TRIQK: variants seen among roughly 807,000 people sequenced by gnomAD.
The protein encoded by TRIQK is triple QxxK/R motif containing.
In TRIQK, 10 loss-of-function variants were observed where a neutral mutation model predicts 10.8. The ratio of observed to expected loss-of-function variants is 0.92; its 90% confidence interval spans 0.57 to 1.57. The LOEUF (loss-of-function observed/expected upper bound fraction) is 1.57. TRIQK is among the 40% of genes most tolerant of loss of function. TRIQK has a pLI of 0.00. For missense variants in TRIQK, 107 were observed against 97.7 expected (o/e 1.09, Z -0.40); for synonymous variants, 33 against 33.7 (o/e 0.98, Z 0.07).
chr8:92,950,508 T>C (rs1811839127), intron 2 of TRIQK, among the ~76,000 whole-genome samples: 1 of 152,138 alleles, frequency 6.6e-6, no homozygotes, highest in Non-Finnish European at 1.5e-5. Flanking sequence ...AATTCTTTAT[T>C]CTGTATTCTC....
chr8:92,926,911 T>C (rs1458642101), intron 2 of TRIQK, among the ~76,000 whole-genome samples: 1 of 152,046 alleles, frequency 6.6e-6, no homozygotes, highest in Non-Finnish European at 1.5e-5. Flanking sequence ...ATTAACTGGG[T>C]GCAGTCACTT....
intron 1 of TRIQK, among the ~76,000 whole-genome samples, chr8:92,978,627 C>A (rs1812955679): frequency 6.6e-6 from 1 of 152,122 alleles, no homozygotes; most frequent in Admixed American, 6.6e-5. Context: ...AAGTTTTGAA[C>A]TGCAAACATT....
intron 1 of TRIQK, among the ~76,000 whole-genome samples, chr8:92,956,006 C>G (rs1206052081): frequency 6.6e-6 from 1 of 151,720 alleles, no homozygotes; most frequent in Admixed American, 6.6e-5. Context: ...AGTTTGGCAG[C>G]TCCTCAAAAA....
chr8:92,951,349 G>C (rs1811892655), intron 2 of TRIQK, among the ~76,000 whole-genome samples: 1 of 151,968 alleles, frequency 6.6e-6, no homozygotes, highest in Non-Finnish European at 1.5e-5. Context: ...TGAAAAATCA[G>C]CGCTCTTTTT....
chr8:92,992,507 T>A (rs1813105673), intron 1 of TRIQK, among the ~76,000 whole-genome samples: 1 of 152,142 alleles, frequency 6.6e-6, no homozygotes, highest in East Asian at 1.9e-4. Flanking sequence ...CTGCACTGAT[T>A]CAAGTAGGGG....
intron 1 of TRIQK, among the ~76,000 whole-genome samples, chr8:93,014,700 C>G (rs1813367457): frequency 6.6e-6 from 1 of 151,934 alleles, no homozygotes; most frequent in Non-Finnish European, 1.5e-5. Flanking sequence ...CATTATAATA[C>G]AGAGTAGTGT....
intron 1 of TRIQK, among the ~76,000 whole-genome samples, chr8:92,999,766 G>A (rs542081525): frequency 6.6e-6 from 1 of 152,174 alleles, no homozygotes. Context: ...GTTTTTCAGA[G>A]ACTTTGTTTG....
chr8:92,998,299 A>G (rs1813173629), intron 1 of TRIQK, among the ~76,000 whole-genome samples: 1 of 151,986 alleles, frequency 6.6e-6, no homozygotes, highest in Non-Finnish European at 1.5e-5. Flanking sequence ...AATTCTTTCC[A>G]TTAATTTTCA....
intron 1 of TRIQK, among the ~76,000 whole-genome samples, chr8:92,989,458 G>A (rs986389229): frequency 3.9e-5 from 6 of 152,074 alleles, no homozygotes; most frequent in Admixed American, 6.5e-5. Context: ...CCTCCTGTCA[G>A]ATCAGTTGCA....
chr8:92,988,999 A>T (rs1813066422), intron 1 of TRIQK, among the ~76,000 whole-genome samples: 1 of 152,216 alleles, frequency 6.6e-6, no homozygotes, highest in African/African-American at 2.4e-5. Context: ...AATAACAAGA[A>T]AAGATAAGAA....
chr8:92,964,468 A>C (rs1043533345), intron 1 of TRIQK, among the ~76,000 whole-genome samples: 77 of 147,900 alleles, frequency 5.2e-4, no homozygotes, highest in African/African-American at 1.6e-3. Context: ...ATATATCTAT[A>C]TATATATATA....
intron 2 of TRIQK, among the ~76,000 whole-genome samples, chr8:92,931,261 A>T (rs999041067): frequency 2.5e-4 from 38 of 152,172 alleles, no homozygotes; most frequent in African/African-American, 8.4e-4. Flanking sequence ...CAATGTTAAA[A>T]TTTTTATTTT....
intron 1 of TRIQK, among the ~76,000 whole-genome samples, chr8:92,999,959 T>C (rs192368987): frequency 6.6e-6 from 1 of 152,306 alleles, no homozygotes; most frequent in Admixed American, 6.5e-5. Flanking sequence ...AATACCCTCA[T>C]TGAAGATTTT....
chr8:92,903,343 T>C (rs1809060036), intron 3 of TRIQK, among the ~76,000 whole-genome samples: 1 of 152,164 alleles, frequency 6.6e-6, no homozygotes. Flanking sequence ...CAGTAGATTT[T>C]TTAAATAATT....
intron 3 of TRIQK, among the ~76,000 whole-genome samples, chr8:92,899,914 G>A (rs138955090): frequency 8.6e-4 from 115 of 134,090 alleles, no homozygotes; most frequent in African/African-American, 3.1e-3. Context: ...ACCAGCATTC[G>A]TTCTTGCACC....
chr8:92,887,488 A>G (rs571227988), intron 4 of TRIQK, among the ~76,000 whole-genome samples: 2 of 151,638 alleles, frequency 1.3e-5, no homozygotes, highest in East Asian at 3.9e-4. Context: ...TTATCTCTCA[A>G]AAAGTATGTA....
intron 1 of TRIQK, among the ~76,000 whole-genome samples, chr8:93,015,328 A>G (rs961689322): frequency 6.6e-6 from 1 of 151,978 alleles, no homozygotes; most frequent in Non-Finnish European, 1.5e-5. Flanking sequence ...ATAATACTAC[A>G]AAGCAAATTT....
chr8:92,989,309 C>T (rs1013603183), intron 1 of TRIQK, among the ~76,000 whole-genome samples: 4 of 152,146 alleles, frequency 2.6e-5, no homozygotes, highest in African/African-American at 9.7e-5. Flanking sequence ...GTTCTCATCC[C>T]TCAGGCCATG....
intron 2 of TRIQK, among the ~76,000 whole-genome samples, chr8:92,933,000 C>T (rs1179007716): frequency 6.6e-6 from 1 of 151,948 alleles, no homozygotes; most frequent in African/African-American, 2.4e-5. Flanking sequence ...TCTCTAAGGG[C>T]CCACTTCCCC....
Sources: gnomAD v4.1 joint callset for allele counts (sites outside exome capture counted in the v4.1 genomes callset) on GRCh38, gnomAD v4.1.1 for gene constraint, MANE v1.5 for transcripts, NCBI Gene and HGNC (gene_info 2026-07-23, HGNC 2026-07-21) for gene names.